The following SESN1 variants were observed in gnomAD, a reference collection of about 807,000 sequenced individuals.
SESN1 encodes the protein sestrin 1.
In SESN1, 30 loss-of-function variants were observed where a neutral mutation model predicts 59.3. The ratio of observed to expected loss-of-function variants is 0.51; its 90% confidence interval spans 0.38 to 0.69. SESN1 has a LOEUF of 0.69. SESN1 is among the 30% of genes least tolerant of loss of function. The pLI, the probability that SESN1 is intolerant of heterozygous loss-of-function variation, is 0.00. For missense variants in SESN1, 566 were observed against 673.0 expected, an observed-to-expected ratio of 0.84 and a Z score of 1.76; for synonymous variants, 197 against 219.9, an observed-to-expected ratio of 0.90 and a Z score of 0.92.
intron 5 of SESN1, among the ~76,000 whole-genome samples, chr6:108,997,950 G>A (rs2114293956): frequency 6.6e-6 from 1 of 152,256 alleles, no homozygotes; most frequent in East Asian, 1.9e-4. Flanking sequence ...GCCAGGAACA[G>A]AAGGAATAGA....
rs1281320305 is a variant in SESN1, at chr6:108,984,323, CAG to C, written c.*3219_*3220del. 6.6e-6 allele frequency among the ~76,000 whole-genome samples: 1 copy of C among 152,028 alleles called. No homozygotes were observed. Among genetic ancestry groups the C allele is most frequent in the Non-Finnish European group, 1.5e-5 (1 of 68,020 alleles). On this transcript the variant is annotated 3_prime_UTR_variant, in exon 10 of 10. Transcript: ENST00000436639. The stretch of plus-strand genomic sequence containing the variant: ...CTTAGACTGGGTAATTTATAGATAA[CAG>C]AAATTTATTGCTCACAGTTTTGGAG...
At chr6:109,088,828 T>C (rs754015777) in intron 1 of SESN1, among the ~76,000 whole-genome samples, 2 of 152,226 alleles carry the variant, frequency 1.3e-5, no homozygotes, top group Non-Finnish European at 2.9e-5. Flanking sequence ...TCAAAAGGTG[T>C]AATTCTTCTT....
At chr6:109,077,612 C>A (rs1475594179) in intron 1 of SESN1, among the ~76,000 whole-genome samples, 1 of 152,188 alleles carries the variant, frequency 6.6e-6, no homozygotes, top group Non-Finnish European at 1.5e-5. Context: ...GACAGTGTCA[C>A]CAGCAGCTGC....
At chr6:109,092,429 T>G (rs1366689857) in intron 1 of SESN1, among the ~76,000 whole-genome samples, 1 of 152,236 alleles carries the variant, frequency 6.6e-6, no homozygotes, top group Non-Finnish European at 1.5e-5. Flanking sequence ...CTGCTTACTT[T>G]TATTTTCAAT....
chr6:109,002,380 A>C (rs758630797), intron 1 of SESN1, 37 bp from the exon 2 acceptor site: 1 of 1,554,212 alleles, frequency 6.4e-7, no homozygotes, highest in Non-Finnish European at 8.9e-7. Flanking sequence ...GGCCTTTGGC[A>C]GTAAACAAAA....
At chr6:109,068,572 C>T (rs1268265360) in intron 1 of SESN1, among the ~76,000 whole-genome samples, 2 of 151,612 alleles carry the variant, frequency 1.3e-5, no homozygotes, top group Non-Finnish European at 2.9e-5. Context: ...AACTATTGGT[C>T]AAAAAAGGAC....
intron 1 of SESN1, among the ~76,000 whole-genome samples, chr6:109,053,271 A>G (rs887666125): frequency 2.0e-5 from 3 of 152,252 alleles, no homozygotes; most frequent in Admixed American, 1.3e-4. Flanking sequence ...ATTGGGGCTC[A>G]GAGATAAGTC....
chr6:109,008,908 A>G, intron 1 of SESN1: 1 of 987,236 alleles, frequency 1.0e-6, no homozygotes, highest in Non-Finnish European at 1.2e-6. Flanking sequence ...TTTAAGTAGG[A>G]GGCAAAGGGG....
At chr6:109,008,691 C>T in intron 1 of SESN1, 1 of 771,476 alleles carries the variant, frequency 1.3e-6, no homozygotes, top group Non-Finnish European at 1.6e-6. Context: ...TAGTAACTTT[C>T]AAATGGTTTC....
intron 1 of SESN1, among the ~76,000 whole-genome samples, chr6:109,048,851 T>C (rs1428125382): frequency 6.6e-6 from 1 of 152,174 alleles, no homozygotes; most frequent in Non-Finnish European, 1.5e-5. Context: ...TATGGCCATA[T>C]ATCACAGGCT....
chr6:108,996,954 G>A (rs1247012772), intron 5 of SESN1, among the ~76,000 whole-genome samples: 1 of 147,078 alleles, frequency 6.8e-6, no homozygotes, highest in African/African-American at 2.5e-5. Flanking sequence ...GCTACGTACT[G>A]TATGATTCCA....
At chr6:109,070,878 A>C (rs1780922622) in intron 1 of SESN1, among the ~76,000 whole-genome samples, 1 of 152,204 alleles carries the variant, frequency 6.6e-6, no homozygotes, top group Non-Finnish European at 1.5e-5. Flanking sequence ...TCCCTAAGTG[A>C]TACTGATGCT....
intron 1 of SESN1, among the ~76,000 whole-genome samples, chr6:109,081,515 A>C (rs917010766): frequency 4.6e-5 from 7 of 152,224 alleles, no homozygotes; most frequent in Admixed American, 1.3e-4. Flanking sequence ...AGGTTGAATG[A>C]ATTATTACAT....
At chr6:109,017,218 GAAA>G in intron 1 of SESN1, among the ~76,000 whole-genome samples, 1 of 152,196 alleles carries the variant, frequency 6.6e-6, no homozygotes, top group Non-Finnish European at 1.5e-5. Context: ...CCAATTAACA[GAAA>G]ACTTGATACT....
rs1177371542 is a variant in SESN1 at position 108,986,293 on chromosome 6, C to G, written c.*1251G>C. 6.6e-6 allele frequency: 1 copy of G among 152,374 alleles called. No homozygotes were observed. The highest frequency in any genetic ancestry group is 2.4e-5 in the African/African-American group (1 of 41,432). 9.4% of individuals were successfully genotyped at this position (152,374 alleles called of 1,614,324 possible). ...CTCAGATAAGATTCTAAAGAAAGTC[C>G]ACTCCTCTTTGTATGTTTCAAAATG... is the stretch of plus-strand genomic sequence containing the variant. On this transcript the variant is annotated 3_prime_UTR_variant, in exon 10 of 10. Coordinates refer to ENST00000436639, the MANE Select transcript of SESN1 (RefSeq NM_014454.3).
Position 109,002,290 on chromosome 6 carries a change from G to A in SESN1, c.333C>T (p.Ile111=). ...ACAAACAACGTACCTCCTTTTCTGG[G>A]ATGAATCTGCTTGGTCCCTGTCCTA... The part of the protein sequence containing the change: ...RPLGQGPSRF[I]PEKEILQVGS... Residue 111 remains isoleucine (I), a synonymous_variant, in exon 2 of 10, where the codon ATC becomes ATT. Transcript: ENST00000436639. The A allele has an allele frequency of 6.2e-7, 1 of 1,613,276 alleles. No homozygotes were observed. The highest frequency in any genetic ancestry group is 2.2e-5 in the East Asian group (1 of 44,846).
chr6:109,003,173 T>C (rs1779663276), intron 1 of SESN1, among the ~76,000 whole-genome samples: 1 of 151,950 alleles, frequency 6.6e-6, no homozygotes, highest in Admixed American at 6.6e-5. Context: ...TTCAACTTTT[T>C]GTTGTTTTGA....
intron 5 of SESN1, among the ~76,000 whole-genome samples, chr6:108,995,362 AT>A (rs1220679154): frequency 1.3e-5 from 2 of 152,168 alleles, no homozygotes; most frequent in South Asian, 2.1e-4. Context: ...AATTAGCTTT[AT>A]TTCTACAATT....
At chr6:109,052,844 T>C (rs1427668301) in intron 1 of SESN1, among the ~76,000 whole-genome samples, 1 of 152,200 alleles carries the variant, frequency 6.6e-6, no homozygotes, top group African/African-American at 2.4e-5. Context: ...AAATATTTAT[T>C]GTTGACTTAA....
Sources: allele counts gnomAD v4.1 joint callset (sites outside exome capture counted in the v4.1 genomes callset), GRCh38; gene constraint gnomAD v4.1.1; transcripts MANE v1.5; gene names NCBI Gene and HGNC (gene_info 2026-07-23, HGNC 2026-07-21).